The following KSR2 variants were observed in gnomAD, a reference collection of about 807,000 sequenced individuals.
KSR2 encodes the protein kinase suppressor of ras 2.
A neutral mutation model predicts 107.8 loss-of-function variants in KSR2; 25 were observed. The ratio of observed to expected loss-of-function variants is 0.23; its 90% confidence interval spans 0.17 to 0.32. The LOEUF (loss-of-function observed/expected upper bound fraction) is 0.32, where lower values mean the gene tolerates loss of function less well. Among genes scored for constraint, KSR2 ranks in the 10% least tolerant of loss-of-function variants. KSR2 has a pLI of 1.00. For synonymous variants in KSR2, 480 were observed against 507.0 expected (o/e 0.95, Z 0.71); for missense variants, 887 against 1,268.9 (o/e 0.70, Z 4.57).
chr12:117,605,890 G>C (rs1447017017), intron 5 of KSR2, among the ~76,000 whole-genome samples: 1 of 152,194 alleles, frequency 6.6e-6, no homozygotes, highest in Non-Finnish European at 1.5e-5. Flanking sequence ...ACCAAACACA[G>C]CGTGTTCTCA....
intron 5 of KSR2, among the ~76,000 whole-genome samples, chr12:117,599,141 A>G (rs1880802404): frequency 1.3e-5 from 2 of 152,188 alleles, no homozygotes; most frequent in African/African-American, 4.8e-5. Context: ...GTATAATGGC[A>G]AAAACTGCAA....
At chr12:117,760,736 G>A (rs566326716) in intron 4 of KSR2, among the ~76,000 whole-genome samples, 2 of 152,316 alleles carry the variant, frequency 1.3e-5, no homozygotes, top group East Asian at 3.9e-4. Flanking sequence ...TCATGGGCGT[G>A]TTCCAATACC....
chr12:117,879,395 TAGAA>T (rs1218477179), intron 1 of KSR2, among the ~76,000 whole-genome samples: 15 of 152,242 alleles, frequency 9.9e-5, no homozygotes, highest in African/African-American at 3.4e-4. Flanking sequence ...ATATTATTAA[TAGAA>T]AGCAACTTAA....
At chr12:117,864,506 G>A (rs7302809) in intron 1 of KSR2, among the ~76,000 whole-genome samples, 57,567 of 151,992 alleles carry the variant, frequency 0.38, 12,099 homozygotes, top group Middle Eastern at 0.49. Flanking sequence ...ACTCCAAAAC[G>A]TGAGTTCTGG....
intron 4 of KSR2, among the ~76,000 whole-genome samples, chr12:117,719,593 C>T (rs1459031026): frequency 6.6e-6 from 1 of 152,204 alleles, no homozygotes; most frequent in African/African-American, 2.4e-5. Context: ...GTTTGCCCCA[C>T]TCCCCACCAT....
intron 3 of KSR2, among the ~76,000 whole-genome samples, chr12:117,838,541 G>A (rs1892337311): frequency 6.6e-6 from 1 of 152,168 alleles, no homozygotes; most frequent in South Asian, 2.1e-4. Context: ...TACTAGCTGT[G>A]TGACCCTAGG....
In KSR2 at chr12:117,582,329, T is replaced by A. The variant is rs1879715201; in HGVS notation, c.1202A>T (p.Gln401Leu). 1 of 1,613,704 alleles carries A rather than the reference T, an allele frequency of 6.2e-7. No individual in the cohort carries two copies. Among genetic ancestry groups the A allele is most frequent in the Non-Finnish European group, 8.5e-7 (1 of 1,179,818 alleles). The change falls in exon 6 of 20, where the codon CAG (glutamine) becomes CTG (leucine). Residue 401 changes from glutamine (Q) to leucine (L), a missense_variant. Coordinates refer to ENST00000339824, the MANE Select transcript of KSR2 (RefSeq NM_173598.6). The part of the protein sequence containing the change: ...NTLSVPRWSP[Q>L]IPRRDLGNSI... ...GTTGCCGAGATCTCTGCGAGGGATC[T>A]GCGGGGACCAGCGTGGCACTGACAG... is the stretch of plus-strand genomic sequence containing the variant.
intron 2 of KSR2, among the ~76,000 whole-genome samples, chr12:117,860,067 G>A (rs1893236921): frequency 1.3e-5 from 2 of 152,224 alleles, no homozygotes; most frequent in Admixed American, 6.5e-5. Context: ...GTGAATATGT[G>A]GCAGAGCTGG....
rs1441426917 is a variant in KSR2, at chr12:117,458,279, A to G, written c.*8920T>C. 6.6e-6 allele frequency: 1 copy of G among 152,270 alleles called. No individual in the cohort carries two copies. Among genetic ancestry groups the G allele is most frequent in the South Asian group, 2.1e-4 (1 of 4,814 alleles). The allele number at this position is 152,270 out of a possible 1,614,324, so 9.4% of individuals were successfully genotyped here. On this transcript the variant is annotated 3_prime_UTR_variant, in exon 20 of 20. Transcript: ENST00000339824. ...TCATCCTGTCGCCCACCACTCAGAAAAGGCCTCTGGTTATTGTTGGCCTGT... is the reference window on the plus strand; with the variant it reads ...TCATCCTGTCGCCCACCACTCAGAAGAGGCCTCTGGTTATTGTTGGCCTGT...
At chr12:117,541,770 T>A (rs1304745891) in intron 9 of KSR2, among the ~76,000 whole-genome samples, 5 of 152,152 alleles carry the variant, frequency 3.3e-5, no homozygotes, top group Non-Finnish European at 7.4e-5. Flanking sequence ...GCTTACTGGG[T>A]GTCCAGCCAG....
At chr12:117,885,755 T>A (rs2137337129) in intron 1 of KSR2, among the ~76,000 whole-genome samples, 1 of 151,884 alleles carries the variant, frequency 6.6e-6, no homozygotes, top group South Asian at 2.1e-4. Context: ...AAAACCTAGA[T>A]GACAGGTTGA....
chr12:117,621,157 A>C (rs531155241), intron 5 of KSR2, among the ~76,000 whole-genome samples: 6 of 152,136 alleles, frequency 3.9e-5, no homozygotes, highest in African/African-American at 9.6e-5. Context: ...TTCTCATGAG[A>C]TCTGATGGTT....
intron 4 of KSR2, among the ~76,000 whole-genome samples, chr12:117,729,321 C>T (rs1483003881): frequency 1.3e-5 from 2 of 152,180 alleles, no homozygotes; most frequent in East Asian, 3.9e-4. Flanking sequence ...AATTTACATT[C>T]AAGATTCTGC....
At chr12:117,550,444 T>C (rs4766860) in intron 9 of KSR2, among the ~76,000 whole-genome samples, 40,697 of 152,082 alleles carry the variant, frequency 0.27, 5,957 homozygotes, top group Admixed American at 0.44. Flanking sequence ...CTTTGTTCAA[T>C]GGACTGTCCT....
rs5801257 is a variant in KSR2 at position 117,861,378 on chromosome 12, C to CTTTTTTTTTTTTTTTTTTTTTTTTTTTT, written c.181-975_181-948dup. On this transcript the variant is annotated intron_variant, in intron 1 of 19. Transcript: ENST00000339824. Reference sequence around the variant, plus strand: ...TCTGTCCACAAGGACTCCCAATTCGCTTTTTTTTTTTTTTTTTTTTTTTTT... The same window carrying CTTTTTTTTTTTTTTTTTTTTTTTTTTTT: ...TCTGTCCACAAGGACTCCCAATTCGCTTTTTTTTTTTTTTTTTTTTTTTTTTTTTTTTTTTTTTTTTTTTTTTTTTTTT... Among the ~76,000 whole-genome samples, 2 of 81,672 alleles carry CTTTTTTTTTTTTTTTTTTTTTTTTTTTT rather than the reference C, an allele frequency of 2.4e-5. 1 individual carries two copies. 53.6% of individuals were successfully genotyped at this position (81,672 alleles called of 152,430 possible).
chr12:117,934,453 G>C (rs762352337), intron 1 of KSR2, among the ~76,000 whole-genome samples: 2 of 152,184 alleles, frequency 1.3e-5, no homozygotes, highest in South Asian at 4.1e-4. Context: ...TTCTGCCACC[G>C]TAAGGAAAGG....
intron 3 of KSR2, among the ~76,000 whole-genome samples, chr12:117,836,746 G>A (rs1185705720): frequency 6.6e-6 from 1 of 152,190 alleles, no homozygotes; most frequent in Non-Finnish European, 1.5e-5. Context: ...CCCCACTGCA[G>A]GGAATGTGGC....
chr12:117,553,468 G>A (rs937219872), intron 9 of KSR2, among the ~76,000 whole-genome samples: 4 of 152,162 alleles, frequency 2.6e-5, no homozygotes, highest in Non-Finnish European at 4.4e-5. Context: ...TCTGGCTGCT[G>A]TGTGGGAAAT....
At chr12:117,499,329 T>A (rs978916345) in intron 14 of KSR2, among the ~76,000 whole-genome samples, 1 of 152,252 alleles carries the variant, frequency 6.6e-6, no homozygotes. Context: ...TTATAAGGTT[T>A]TTTTTCCCCT....
Sources: allele counts gnomAD v4.1 joint callset (sites outside exome capture counted in the v4.1 genomes callset), GRCh38; gene constraint gnomAD v4.1.1; transcripts MANE v1.5; gene names NCBI Gene and HGNC (gene_info 2026-07-23, HGNC 2026-07-21).